Variants in WWTR1 observed in about 807,000 individuals in gnomAD.
WWTR1 encodes WW domain containing transcription regulator 1.
Under a neutral mutation model 40.1 loss-of-function variants are expected in WWTR1, and 13 were observed. That is an observed-to-expected ratio of 0.32 (90% CI 0.21 to 0.52). The LOEUF (loss-of-function observed/expected upper bound fraction) is 0.52. WWTR1 is among the 20% of genes least tolerant of loss of function. The pLI is 0.97. For missense variants in WWTR1, 436 were observed against 523.1 expected, an observed-to-expected ratio of 0.83 and a Z score of 1.63; for synonymous variants, 230 against 210.1, an observed-to-expected ratio of 1.09 and a Z score of -0.82.
At chr3:149,587,304 A>G (rs2108023202) in intron 2 of WWTR1, among the ~76,000 whole-genome samples, 1 of 152,286 alleles carries the variant, frequency 6.6e-6, no homozygotes, top group South Asian at 2.1e-4. Flanking sequence ...GGTAAAAAGA[A>G]AAAAGTTTGA....
intron 2 of WWTR1, among the ~76,000 whole-genome samples, chr3:149,594,262 G>A (rs574070006): frequency 2.6e-5 from 4 of 152,268 alleles, no homozygotes; most frequent in Admixed American, 2.0e-4. Flanking sequence ...ACTGTGGTCA[G>A]GGGGCCTCTC....
chr3:149,610,196 CAT>C (rs1260204580), intron 2 of WWTR1, among the ~76,000 whole-genome samples: 1 of 152,168 alleles, frequency 6.6e-6, no homozygotes, highest in African/African-American at 2.4e-5. Context: ...TCATAATATC[CAT>C]ACTTAAATTT....
intron 2 of WWTR1, among the ~76,000 whole-genome samples, chr3:149,634,360 G>A (rs1260847604): frequency 6.6e-6 from 1 of 152,162 alleles, no homozygotes; most frequent in African/African-American, 2.4e-5. Context: ...TAAGTGCTAG[G>A]TACACGTTTG....
At chr3:149,593,891 T>C (rs1576585110) in intron 2 of WWTR1, among the ~76,000 whole-genome samples, 3 of 152,360 alleles carry the variant, frequency 2.0e-5, no homozygotes, top group African/African-American at 7.2e-5. Flanking sequence ...CTCTACTTCG[T>C]GCTTCCTTTT....
intron 1 of WWTR1, among the ~76,000 whole-genome samples, chr3:149,684,208 G>C (rs1468809284): frequency 6.6e-6 from 1 of 151,938 alleles, no homozygotes; most frequent in East Asian, 1.9e-4. Flanking sequence ...CATAAGTAGA[G>C]ACAGGGTCTC....
At chr3:149,691,860 C>CA (rs1714836852) in intron 1 of WWTR1, among the ~76,000 whole-genome samples, 1 of 151,720 alleles carries the variant, frequency 6.6e-6, no homozygotes, top group African/African-American at 2.4e-5. Flanking sequence ...ACTAAAAATA[C>CA]AAAAAATTAG....
At chr3:149,545,787 C>T (rs1279514774) in intron 3 of WWTR1, among the ~76,000 whole-genome samples, 1 of 152,238 alleles carries the variant, frequency 6.6e-6, no homozygotes, top group Non-Finnish European at 1.5e-5. Context: ...TCCCAAAGTG[C>T]TGGGATTACA....
chr3:149,693,186 C>T (rs901116944), intron 1 of WWTR1, among the ~76,000 whole-genome samples: 7 of 152,100 alleles, frequency 4.6e-5, no homozygotes, highest in Non-Finnish European at 1.0e-4. Context: ...TATATGCCAA[C>T]AGCAAACAAT....
intron 2 of WWTR1, among the ~76,000 whole-genome samples, chr3:149,618,629 T>C (rs961089328): frequency 6.6e-6 from 1 of 152,218 alleles, no homozygotes; most frequent in Non-Finnish European, 1.5e-5. Flanking sequence ...AGATGTAATG[T>C]CAGATGTGAA....
chr3:149,525,948 G>A, intron 6 of WWTR1, 65 bp downstream of exon 6: 1 of 880,102 alleles, frequency 1.1e-6, no homozygotes, highest in South Asian at 2.6e-5. Context: ...ATAAAATTGA[G>A]ATAACCGAAG....
intron 2 of WWTR1, among the ~76,000 whole-genome samples, chr3:149,619,893 G>A (rs927453088): frequency 6.6e-6 from 1 of 152,012 alleles, no homozygotes; most frequent in African/African-American, 2.4e-5. Flanking sequence ...CGTTCTCTCA[G>A]GATCTCACAG....
intron 2 of WWTR1, among the ~76,000 whole-genome samples, chr3:149,639,948 T>G (rs1712056220): frequency 7.0e-6 from 1 of 142,712 alleles, no homozygotes; most frequent in African/African-American, 2.6e-5. Context: ...GAGCCGAGAT[T>G]GTGCCACTGC....
chr3:149,600,529 A>G (rs1447998445), intron 2 of WWTR1, among the ~76,000 whole-genome samples: 2 of 152,164 alleles, frequency 1.3e-5, no homozygotes, highest in African/African-American at 4.8e-5. Context: ...CACTCACCTG[A>G]AGGGGAAGAA....
At chr3:149,586,581 C>T (rs1276040261) in intron 2 of WWTR1, among the ~76,000 whole-genome samples, 1 of 152,126 alleles carries the variant, frequency 6.6e-6, no homozygotes, top group Non-Finnish European at 1.5e-5. Context: ...TCTTTGACTT[C>T]GGCTCCTGAC....
rs1182525684 is a variant in WWTR1, at chr3:149,656,968, G to C, written c.339C>G (p.Leu113=). Residue 113 remains leucine (L), a synonymous_variant, in exon 2 of 7, where the codon CTC becomes CTG. Coordinates refer to ENST00000360632, the MANE Select transcript of WWTR1 (RefSeq NM_015472.6). ...CGGTCACGTCGTAGGACTGCTGGCG[G>C]AGGTGCGCGTGCTGCTGCGCGGGGC... ...AGSPAQQHAH[L]RQQSYDVTDE... 2 of 1,597,886 alleles carry C rather than the reference G, an allele frequency of 1.3e-6. No homozygotes were observed. The highest frequency in any genetic ancestry group is 2.7e-5 in the African/African-American group (2 of 74,370).
chr3:149,675,628 T>A (rs1006445490), intron 1 of WWTR1, among the ~76,000 whole-genome samples: 3 of 152,176 alleles, frequency 2.0e-5, no homozygotes, highest in African/African-American at 7.2e-5. Context: ...GTGTCTAGTG[T>A]GAGGAGCAGT....
upstream of WWTR1, chr3:149,703,478 C>T (rs1343180622): frequency 6.6e-6 from 1 of 152,196 alleles, no homozygotes; most frequent in South Asian, 2.1e-4. Flanking sequence ...AGGCACATTA[C>T]TTTATCTTAG....
At chr3:149,644,963 G>C (rs1041558683) in intron 2 of WWTR1, among the ~76,000 whole-genome samples, 3 of 151,920 alleles carry the variant, frequency 2.0e-5, no homozygotes, top group Admixed American at 6.6e-5. Flanking sequence ...AGCAATTCTC[G>C]TGTCTCAGCC....
intron 3 of WWTR1, among the ~76,000 whole-genome samples, chr3:149,565,085 G>A (rs1307905176): frequency 6.6e-6 from 1 of 152,194 alleles, no homozygotes; most frequent in Admixed American, 6.5e-5. Context: ...ATACTCGGGG[G>A]CTGAGCTGGG....
Sources: gnomAD v4.1 joint callset for allele counts (sites outside exome capture counted in the v4.1 genomes callset) on GRCh38, gnomAD v4.1.1 for gene constraint, MANE v1.5 for transcripts, NCBI Gene and HGNC (gene_info 2026-07-23, HGNC 2026-07-21) for gene names.